TIGAR: variants seen among roughly 807,000 people sequenced by gnomAD.
The protein encoded by TIGAR is TP53 induced glycolysis regulatory phosphatase, also known as fructose-2,6-bisphosphatase TIGAR.
Under a neutral mutation model 17.9 loss-of-function variants are expected in TIGAR, and 7 were observed. The observed-to-expected ratio is 0.39, with a 90% CI of 0.22 to 0.73. The LOEUF (loss-of-function observed/expected upper bound fraction) is 0.73, where lower values mean the gene tolerates loss of function less well. Among genes scored for constraint, TIGAR ranks in the 30% least tolerant of loss-of-function variants. The pLI, the probability that TIGAR is intolerant of heterozygous loss-of-function variation, is 0.42. For missense variants in TIGAR, 258 were observed against 327.4 expected (o/e 0.79, Z 1.64); for synonymous variants, 94 against 108.6 (o/e 0.87, Z 0.84).
chr12:4,335,606 C>T (rs2120663938), intron 2 of TIGAR: 1 of 152,304 alleles, frequency 6.6e-6, no homozygotes, highest in South Asian at 2.1e-4. Context: ...TCACCAGAAC[C>T]CAACCATGAT....
intron 2 of TIGAR, among the ~76,000 whole-genome samples, chr12:4,333,992 C>G (rs2120661145): frequency 6.6e-6 from 1 of 151,796 alleles, no homozygotes; most frequent in South Asian, 2.1e-4. Flanking sequence ...TTTTTTTCCC[C>G]TTCTTTTTAT....
chr12:4,325,071 TA>T, intron 1 of TIGAR, among the ~76,000 whole-genome samples: 1 of 151,498 alleles, frequency 6.6e-6, no homozygotes, highest in Non-Finnish European at 1.5e-5. Flanking sequence ...GCCTCCGGAG[TA>T]GCTGGGATTA....
chr12:4,327,495 T>C (rs1280546676), intron 1 of TIGAR, among the ~76,000 whole-genome samples: 1 of 152,048 alleles, frequency 6.6e-6, no homozygotes, highest in African/African-American at 2.4e-5. Context: ...TATTAGGACA[T>C]GTCTGAGCAG....
At position 4,321,235 on chromosome 12, in the gene TIGAR, C is replaced by T. The variant is rs750551447; in HGVS notation, c.-37C>T. On this transcript the variant is annotated 5_prime_UTR_variant, in exon 1 of 6. Coordinates refer to ENST00000179259, the MANE Select transcript of TIGAR (RefSeq NM_020375.3). The surrounding 1 kb of genome is among the most constrained non-coding windows in gnomAD (Gnocchi z 5.2). ...GGTAGCCCGCAGTGCAGGGGCAGCG[C>T]GGCGCGGGGCCACCGACGGGACGCG... is the stretch of plus-strand genomic sequence containing the variant. 1.3e-5 allele frequency: 21 copies of T among 1,599,474 alleles called. 1 individual carries two copies. The highest frequency in any genetic ancestry group is 8.8e-5 in the South Asian group (8 of 91,060).
Position 4,357,961 on chromosome 12 carries a change from A to G in TIGAR, c.*5270A>G, listed in dbSNP as rs546394662. ...CACTGAAAAATAGAAAAAATTAGCC[A>G]GGCCTGGTGGCCGGCGCCTGTAGTC... On this transcript the variant is annotated 3_prime_UTR_variant, in exon 6 of 6. Coordinates refer to ENST00000179259, the MANE Select transcript of TIGAR (RefSeq NM_020375.3). Among the ~76,000 whole-genome samples, 7 of 152,110 alleles carry G rather than the reference A, an allele frequency of 4.6e-5. No homozygotes were observed. Among genetic ancestry groups the G allele is most frequent in the East Asian group, 3.9e-4 (2 of 5,162 alleles).
chr12:4,329,714 G>C (rs1864584820), intron 1 of TIGAR, among the ~76,000 whole-genome samples: 1 of 152,094 alleles, frequency 6.6e-6, no homozygotes, highest in African/African-American at 2.4e-5. Flanking sequence ...AAACAGATTT[G>C]TCATTTTGAT....
chr12:4,344,553 G>A (rs919859782), intron 3 of TIGAR, among the ~76,000 whole-genome samples: 1 of 152,142 alleles, frequency 6.6e-6, no homozygotes, highest in Non-Finnish European at 1.5e-5. Flanking sequence ...CATCCCTGGG[G>A]TGCAAGGCTG....
At chr12:4,324,137 G>A (rs1009028491) in intron 1 of TIGAR, among the ~76,000 whole-genome samples, 2 of 152,176 alleles carry the variant, frequency 1.3e-5, no homozygotes, top group Admixed American at 1.3e-4. Flanking sequence ...CAAGATTCCA[G>A]AATTCAAGTC....
intron 1 of TIGAR, chr12:4,324,323 C>CTT (rs34096957): frequency 0.091 from 55,531 of 608,812 alleles, 1,512 homozygotes; most frequent in African/African-American, 0.14. Flanking sequence ...ATTTAACTTC[C>CTT]TTTTTTTTTT....
chr12:4,352,338 T>C lies in TIGAR; in HGVS notation c.460T>C (p.Ser154Pro), dbSNP rs774719017. Residue 154 changes from serine (S) to proline (P), a missense_variant, in exon 6 of 6, where the codon TCC becomes CCC. Ser to Pro is a moderately conservative substitution (Grantham distance 74). Transcript: ENST00000179259. ...AGAAGCGGATCAAAAAGAACAGTTTTCCCAAGGATCTCCAAGCAACTGTCT... is the reference window on the plus strand; with the variant it reads ...AGAAGCGGATCAAAAAGAACAGTTTCCCCAAGGATCTCCAAGCAACTGTCT... ...LKEADQKEQF[S>P]QGSPSNCLET... 8.7e-6 allele frequency: 14 copies of C among 1,614,030 alleles called. No individual in the cohort carries two copies. The highest frequency in any genetic ancestry group is 1.7e-6 in the Non-Finnish European group (2 of 1,180,016).
At chr12:4,330,765 T>C (rs76319969) in intron 1 of TIGAR, among the ~76,000 whole-genome samples, 1,831 of 152,306 alleles carry the variant, frequency 0.012, 42 homozygotes, top group African/African-American at 0.041. Context: ...GTCTGCGAGA[T>C]AGCTGTCAGT....
chr12:4,352,904 T>G lies in TIGAR; in HGVS notation c.*213T>G, dbSNP rs906544049. On this transcript the variant is annotated 3_prime_UTR_variant, in exon 6 of 6. Transcript: ENST00000179259. ...ACAGTTGGCATTTTCCAGAATAATT[T>G]TACCACCCTGCTAGATGTCATCTCT... 5 of 524,200 alleles carry G rather than the reference T, an allele frequency of 9.5e-6. No homozygotes were observed. Among genetic ancestry groups the G allele is most frequent in the African/African-American group, 3.8e-5 (2 of 53,074 alleles). 32.5% of individuals were successfully genotyped at this position (524,200 alleles called of 1,614,324 possible).
rs143846788 is a variant in TIGAR at position 4,341,967 on chromosome 12, C to T, written c.192+4807C>T. Among the ~76,000 whole-genome samples the T allele has an allele frequency of 5.6e-3, 852 of 152,262 alleles. 8 individuals carry two copies. Among genetic ancestry groups the T allele is most frequent in the African/African-American group, 0.02 (827 of 41,534 alleles). ...TAAAGGAGGAAGTTCGAACCCATTGCAAAGAAGTTAAAAACCTTGAAAAAA... is the reference window on the plus strand; with the variant it reads ...TAAAGGAGGAAGTTCGAACCCATTGTAAAGAAGTTAAAAACCTTGAAAAAA... On this transcript the variant is annotated intron_variant, in intron 3 of 5. Coordinates refer to ENST00000179259, the MANE Select transcript of TIGAR (RefSeq NM_020375.3).
chr12:4,336,494 A>ACACACT (rs1491391982), intron 2 of TIGAR, among the ~76,000 whole-genome samples: 4 of 137,628 alleles, frequency 2.9e-5, no homozygotes, highest in African/African-American at 5.2e-5. Flanking sequence ...ACACACACAC[A>ACACACT]CTCACACACA....
chr12:4,344,724 C>G (rs1864761508), intron 3 of TIGAR, among the ~76,000 whole-genome samples: 1 of 152,148 alleles, frequency 6.6e-6, no homozygotes, highest in Non-Finnish European at 1.5e-5. Context: ...TGGGAGCTCT[C>G]TCACCACTCC....
At position 4,358,034 on chromosome 12, in the gene TIGAR, G is replaced by A. The variant is rs1321881135; in HGVS notation, c.*5343G>A. 2.0e-5 allele frequency among the ~76,000 whole-genome samples: 3 copies of A among 151,608 alleles called. No homozygotes were observed. Among genetic ancestry groups the A allele is most frequent in the African/African-American group, 7.3e-5 (3 of 41,230 alleles). ...CAGTAGAATGGCGTGAACCCGGGAG[G>A]TGGAGCTTGCAGTGAGCCAAGGTCG... On this transcript the variant is annotated 3_prime_UTR_variant, in exon 6 of 6. Transcript: ENST00000179259.
rs1387412437 is a variant in TIGAR at position 4,351,385 on chromosome 12, G to A, written c.381+8G>A. The A allele has an allele frequency of 6.2e-7, 1 of 1,610,260 alleles. No homozygotes were observed. ...GGAGAGACGCTGGACCAGGTATGTGGCGCTGCCGATGTCAGAATGGTTGAA... is the reference window on the plus strand; with the variant it reads ...GGAGAGACGCTGGACCAGGTATGTGACGCTGCCGATGTCAGAATGGTTGAA... On this transcript the variant is annotated splice_region_variant and intron_variant, in intron 5 of 5. Coordinates refer to ENST00000179259, the MANE Select transcript of TIGAR (RefSeq NM_020375.3).
Position 4,355,963 on chromosome 12 carries a change from G to C in TIGAR, c.*3272G>C, listed in dbSNP as rs1371047798. ...TCCTTTGAGCAAGGGGGATGGGAGA[G>C]TGACGGGAGAAGAGGACAGGCCACA... On this transcript the variant is annotated 3_prime_UTR_variant, in exon 6 of 6. Transcript: ENST00000179259. 6.6e-6 allele frequency among the ~76,000 whole-genome samples: 1 copy of C among 152,248 alleles called. No individual in the cohort carries two copies. The highest frequency in any genetic ancestry group is 1.5e-5 in the Non-Finnish European group (1 of 68,042).
At position 4,321,532 on chromosome 12, in the gene TIGAR, TC is replaced by T. The variant is rs1864477736; in HGVS notation, c.32+231del. On this transcript the variant is annotated intron_variant, in intron 1 of 5. Coordinates refer to ENST00000179259, the MANE Select transcript of TIGAR (RefSeq NM_020375.3). This position sits in a 1 kb window ranked among gnomAD's most constrained non-coding sequence, Gnocchi z 5.2. ...GACGGCAGGTCTTAGATAGCTTCGT[TC>T]CGTGTTTCAGATAAAGTGAGGCCCG... Among the ~76,000 whole-genome samples the T allele has an allele frequency of 6.6e-6, 1 of 152,146 alleles. No homozygotes were observed. Among genetic ancestry groups the T allele is most frequent in the African/African-American group, 2.4e-5 (1 of 41,454 alleles).
Sources: allele counts gnomAD v4.1 joint callset (sites outside exome capture counted in the v4.1 genomes callset), GRCh38; gene constraint gnomAD v4.1.1; non-coding constraint Gnocchi (gnomAD v3.1); transcripts MANE v1.5; gene names NCBI Gene and HGNC (gene_info 2026-07-23, HGNC 2026-07-21).